The following ZNF548 variants were observed in gnomAD, a reference collection of about 807,000 sequenced individuals.
ZNF548 encodes zinc finger protein 548.
ZNF548 carries 10 observed loss-of-function variants against 10.2 expected under a neutral mutation model. The observed-to-expected ratio is 0.98, with a 90% CI of 0.60 to 1.66. The LOEUF is 1.66. Among genes scored for constraint, ZNF548 ranks in the 40% most tolerant of loss-of-function variants. ZNF548 has a pLI of 0.00. For synonymous variants in ZNF548, 217 were observed against 223.5 expected (o/e 0.97, Z 0.26); for missense variants, 599 against 657.0 (o/e 0.91, Z 0.97).
At chr19:57,398,109 G>T (rs1011541184) in intron 3 of ZNF548, among the ~76,000 whole-genome samples, 4 of 152,234 alleles carry the variant, frequency 2.6e-5, no homozygotes, top group Non-Finnish European at 5.9e-5. Context: ...GGTTTGGAGA[G>T]AACCTTCTAC....
At chr19:57,397,265 G>A (rs757456584) in intron 3 of ZNF548, 91 bp downstream of exon 3, 35 of 1,448,042 alleles carry the variant, frequency 2.4e-5, no homozygotes, top group African/African-American at 2.3e-4. Flanking sequence ...CAGTGAGACC[G>A]TGGGTGCTGC....
At chr19:57,391,658 T>C (rs2088625931) in intron 1 of ZNF548, among the ~76,000 whole-genome samples, 1 of 152,214 alleles carries the variant, frequency 6.6e-6, no homozygotes, top group Admixed American at 6.5e-5. Flanking sequence ...ATAGCCATTC[T>C]GACTGGTGTA....
chr19:57,390,066 C>T lies in ZNF548; in HGVS notation c.-34C>T, dbSNP rs754542083. The T allele has an allele frequency of 1.3e-5, 21 of 1,607,842 alleles. No homozygotes were observed. The highest frequency in any genetic ancestry group is 1.4e-5 in the Non-Finnish European group (16 of 1,178,880). On this transcript the variant is annotated 5_prime_UTR_variant, in exon 1 of 4. Coordinates refer to ENST00000336128, the MANE Select transcript of ZNF548 (RefSeq NM_001172773.2). The stretch of plus-strand genomic sequence containing the variant: ...TCTTGCCTTTGTCGCTCCCGCCCCG[C>T]TCTTCCCTGGCTGGGCTGGCGGAGG...
rs568740353 is a variant in ZNF548 at position 57,401,274 on chromosome 19, T to A, written c.*1385T>A. The A allele has an allele frequency of 6.6e-6, 1 of 152,324 alleles. No homozygotes were observed. The highest frequency in any genetic ancestry group is 2.4e-5 in the African/African-American group (1 of 41,568). 9.4% of individuals were successfully genotyped at this position (152,324 alleles called of 1,614,324 possible). A position where few individuals can be genotyped will look rare whatever the true frequency, so the allele number is the denominator to read the frequency against. On this transcript the variant is annotated 3_prime_UTR_variant, in exon 4 of 4. Coordinates refer to ENST00000336128, the MANE Select transcript of ZNF548 (RefSeq NM_001172773.2). ...CGAAGCAACCATGGATCAAAAGTAT[T>A]TGGAGCATCCATGGATTGCAGTGAT...
chr19:57,400,022 C>T lies in ZNF548; in HGVS notation c.*133C>T. On this transcript the variant is annotated 3_prime_UTR_variant, in exon 4 of 4. Coordinates refer to ENST00000336128, the MANE Select transcript of ZNF548 (RefSeq NM_001172773.2). The stretch of plus-strand genomic sequence containing the variant: ...CAACTCATTCCCCTTCCCTACTTCC[C>T]CAGAAATGTCTCAACTATATTTCTA... 1.5e-6 allele frequency: 1 copy of T among 676,478 alleles called. No homozygotes were observed. Among genetic ancestry groups the T allele is most frequent in the Non-Finnish European group, 2.4e-6 (1 of 409,948 alleles). 41.9% of individuals were successfully genotyped at this position (676,478 alleles called of 1,614,324 possible).
Position 57,398,580 on chromosome 19 carries a change from G to T in ZNF548, c.329G>T (p.Cys110Phe). ...TCGPPLKDILCLVEHNGIHPE... is the reference protein window; with the variant it reads ...TCGPPLKDILFLVEHNGIHPE... Reference sequence around the variant, plus strand: ...GGCCCACCCTTGAAAGACATTCTGTGCCTGGTTGAGCACAATGGAATTCAT... The same window carrying T: ...GGCCCACCCTTGAAAGACATTCTGTTCCTGGTTGAGCACAATGGAATTCAT... Residue 110 changes from cysteine (C) to phenylalanine (F), a missense_variant, in exon 4 of 4, where the codon TGC (cysteine) becomes TTC (phenylalanine). Cys to Phe is a radical substitution (Grantham distance 205). Coordinates refer to ENST00000336128, the MANE Select transcript of ZNF548 (RefSeq NM_001172773.2). The T allele has an allele frequency of 3.7e-6, 6 of 1,614,066 alleles. No homozygotes were observed. The highest frequency in any genetic ancestry group is 5.1e-6 in the Non-Finnish European group (6 of 1,179,908).
chr19:57,395,294 A>G lies in ZNF548; in HGVS notation c.51+1071A>G, dbSNP rs2088656903. ...GAAAGACTTCTGAAGGAGAGTGGAC[A>G]TGATGGGGTTGCTGAGGGGGGATAA... On this transcript the variant is annotated intron_variant, in intron 2 of 3. Coordinates refer to ENST00000336128, the MANE Select transcript of ZNF548 (RefSeq NM_001172773.2). This position sits in a 1 kb window ranked among gnomAD's most constrained non-coding sequence, Gnocchi z 4.8. Among the ~76,000 whole-genome samples, 1 of 152,036 alleles carries G rather than the reference A, an allele frequency of 6.6e-6. No individual in the cohort carries two copies. Among genetic ancestry groups the G allele is most frequent in the Non-Finnish European group, 1.5e-5 (1 of 68,008 alleles).
chr19:57,390,463 GT>G (rs369388067), intron 1 of ZNF548: 29 of 254,074 alleles, frequency 1.1e-4, no homozygotes, highest in African/African-American at 5.7e-4. Flanking sequence ...AGAGTTCGAA[GT>G]TTCAAGTTAG....
chr19:57,397,908 T>C, intron 3 of ZNF548, among the ~76,000 whole-genome samples: 1 of 152,182 alleles, frequency 6.6e-6, no homozygotes, highest in East Asian at 1.9e-4. Flanking sequence ...CCCATTATCA[T>C]TTCTAGTATG....
At chr19:57,393,137 G>A (rs1286862061) in intron 1 of ZNF548, among the ~76,000 whole-genome samples, 1 of 152,148 alleles carries the variant, frequency 6.6e-6, no homozygotes, top group South Asian at 2.1e-4. Flanking sequence ...TACAGGGGAT[G>A]ATCTACTGCT....
chr19:57,391,787 C>CGG (rs2088627071), intron 1 of ZNF548, among the ~76,000 whole-genome samples: 1 of 112,876 alleles, frequency 8.9e-6, no homozygotes, highest in Non-Finnish European at 1.9e-5. Flanking sequence ...CCTGTGCTTA[C>CGG]TGTTTTTTTT....
rs1440381750 is a variant in ZNF548, at chr19:57,398,812, A to C, written c.561A>C (p.Gln187His). The change falls in exon 4 of 4, where the codon CAA becomes CAC. Residue 187 changes from glutamine (Q) to histidine (H), a missense_variant. Coordinates refer to ENST00000336128, the MANE Select transcript of ZNF548 (RefSeq NM_001172773.2). ...GCCTTCTCCAGCACCAGGGCCCTCA[A>C]AGCGAGTGGAAGCCATACAGGGACA... ...TSCLLQHQGP[Q>H]SEWKPYRDTE... is the part of the protein sequence containing the mutation. 1 of 1,613,910 alleles carries C rather than the reference A, an allele frequency of 6.2e-7. No homozygotes were observed. Among genetic ancestry groups the C allele is most frequent in the Non-Finnish European group, 8.5e-7 (1 of 1,179,902 alleles).
At chr19:57,394,296 C>T in intron 2 of ZNF548, 73 bp downstream of exon 2, 1 of 1,441,450 alleles carries the variant, frequency 6.9e-7, no homozygotes, top group Non-Finnish European at 9.4e-7. Context: ...GACAAAACCT[C>T]TTTTCCTGTC....
At position 57,394,188 on chromosome 19, in the gene ZNF548, G is replaced by A. The variant is rs1269629341; in HGVS notation, c.16G>A (p.Gly6Ser). Residue 6 changes from glycine to serine, a missense_variant and splice_region_variant, in exon 2 of 4, where the codon GGT becomes AGT. Transcript: ENST00000336128. Reference protein sequence around the residue: MNLTEGPLAMAEMDPT... With the variant: MNLTESPLAMAEMDPT... The stretch of plus-strand genomic sequence containing the variant: ...TCTCACGGCCTTTCTCTTCCCTCAG[G>A]GTCCCCTGGCGATGGCAGAAATGGA... 6.2e-7 allele frequency: 1 copy of A among 1,603,822 alleles called. No homozygotes were observed. The highest frequency in any genetic ancestry group is 8.5e-7 in the Non-Finnish European group (1 of 1,179,282).
At chr19:57,397,770 G>A (rs2088677780) in intron 3 of ZNF548, among the ~76,000 whole-genome samples, 1 of 152,174 alleles carries the variant, frequency 6.6e-6, no homozygotes, top group African/African-American at 2.4e-5. Flanking sequence ...CAGGGACATG[G>A]CCCTGGTGCC....
chr19:57,395,446 TAAC>T lies in ZNF548; in HGVS notation c.51+1224_51+1226del, dbSNP rs1410203553. Among the ~76,000 whole-genome samples, 1 of 152,070 alleles carries T rather than the reference TAAC, an allele frequency of 6.6e-6. No homozygotes were observed. The highest frequency in any genetic ancestry group is 2.4e-5 in the African/African-American group (1 of 41,390). On this transcript the variant is annotated intron_variant, in intron 2 of 3. Coordinates refer to ENST00000336128, the MANE Select transcript of ZNF548 (RefSeq NM_001172773.2). This position sits in a 1 kb window ranked among gnomAD's most constrained non-coding sequence, Gnocchi z 4.8. ...GGGTAATTTATGAAGAAAAGAGGTT[TAAC>T]CAACTCACAGTTCTTCAGGCTTAAC... is the stretch of plus-strand genomic sequence containing the variant.
Position 57,399,943 on chromosome 19 carries a change from T to G in ZNF548, c.*54T>G. ...AAATTCCACATTTTTATGCAACTAA[T>G]CTCCAGAACATTTTTCCTCTTACCA... On this transcript the variant is annotated 3_prime_UTR_variant, in exon 4 of 4. Coordinates refer to ENST00000336128, the MANE Select transcript of ZNF548 (RefSeq NM_001172773.2). This position sits in a 1 kb window ranked among gnomAD's most constrained non-coding sequence, Gnocchi z 4.0. The G allele has an allele frequency of 2.9e-6, 4 of 1,381,242 alleles. No homozygotes were observed. Among genetic ancestry groups the G allele is most frequent in the Non-Finnish European group, 3.9e-6 (4 of 1,034,830 alleles). The allele number at this position is 1,381,242 out of a possible 1,614,324, so 85.6% of individuals were successfully genotyped here.
chr19:57,397,048 G>A lies in ZNF548; in HGVS notation c.52G>A (p.Gly18Ser), dbSNP rs578134652. 67 of 1,605,972 alleles carry A rather than the reference G, an allele frequency of 4.2e-5. No homozygotes were observed. The highest frequency in any genetic ancestry group is 8.8e-5 in the Admixed American group (5 of 57,138). ...LAMAEMDPTQGRVVFEDVAIY... is the reference protein window; with the variant it reads ...LAMAEMDPTQSRVVFEDVAIY... Reference sequence around the variant, plus strand: ...GTATTCATCTTTCCCAATTTGGCAGGGCCGTGTGGTCTTTGAGGACGTGGC... The same window carrying A: ...GTATTCATCTTTCCCAATTTGGCAGAGCCGTGTGGTCTTTGAGGACGTGGC... Residue 18 changes from glycine (G) to serine (S), a missense_variant and splice_region_variant, in exon 3 of 4, where the codon GGC (glycine) becomes AGC (serine). Coordinates refer to ENST00000336128, the MANE Select transcript of ZNF548 (RefSeq NM_001172773.2).
rs76679836 is a variant in ZNF548 at position 57,399,746 on chromosome 19, A to G, written c.1495A>G (p.Ile499Val). The G allele has an allele frequency of 2.2e-3, 3,489 of 1,614,188 alleles. 46 individuals carry two copies. The African/African-American group carries it at 0.039, about 18-fold the overall frequency. ...GTGCAGCGAATGCCAGAAGGCCTTT[A>G]TTAGAAAGTCTCACCTGGTTCATCA... Reference protein sequence around the residue: ...YECSECQKAFIRKSHLVHHQK... With the variant: ...YECSECQKAFVRKSHLVHHQK... The change falls in exon 4 of 4, where the codon ATT becomes GTT. Residue 499 changes from isoleucine to valine, a missense_variant. By Grantham distance (29) the Ile-to-Val change is conservative (BLOSUM62 3). Transcript: ENST00000336128. The surrounding 1 kb of genome is among the most constrained non-coding windows in gnomAD (Gnocchi z 4.0).
Sources: gnomAD v4.1 joint callset for allele counts (sites outside exome capture counted in the v4.1 genomes callset) on GRCh38, gnomAD v4.1.1 for gene constraint, Gnocchi (gnomAD v3.1) non-coding constraint, MANE v1.5 for transcripts, NCBI Gene and HGNC (gene_info 2026-07-23, HGNC 2026-07-21) for gene names.